TMEM132D: variants seen among roughly 807,000 people sequenced by gnomAD.
The protein encoded by TMEM132D is mature OL transmembrane protein.
Under a neutral mutation model 62.3 loss-of-function variants are expected in TMEM132D, and 21 were observed. The ratio of observed to expected loss-of-function variants is 0.34; its 90% confidence interval spans 0.24 to 0.49. The LOEUF (loss-of-function observed/expected upper bound fraction) is 0.49, where lower values mean the gene tolerates loss of function less well. Among genes scored for constraint, TMEM132D ranks in the 20% least tolerant of loss-of-function variants. The pLI is 0.99. For missense variants in TMEM132D, 1,346 were observed against 1,402.8 expected (o/e 0.96, Z 0.65); for synonymous variants, 621 against 575.6 (o/e 1.08, Z -1.13).
chr12:129,278,261 A>T (rs1269025490), intron 4 of TMEM132D, among the ~76,000 whole-genome samples: 1 of 152,166 alleles, frequency 6.6e-6, no homozygotes, highest in Non-Finnish European at 1.5e-5. Flanking sequence ...CCCAGGGCAC[A>T]ATCATTTCCT....
intron 1 of TMEM132D, among the ~76,000 whole-genome samples, chr12:129,850,647 C>T (rs940392988): frequency 6.6e-6 from 1 of 152,092 alleles, no homozygotes; most frequent in Non-Finnish European, 1.5e-5. Context: ...GGAATCAGGA[C>T]GTTTTCTACA....
intron 2 of TMEM132D, among the ~76,000 whole-genome samples, chr12:129,547,020 G>T (rs1593061008): frequency 6.6e-6 from 1 of 152,142 alleles, no homozygotes; most frequent in South Asian, 2.1e-4. Context: ...CAAAGAAATT[G>T]ATTTTCTCAC....
At chr12:129,340,748 C>T (rs1566038573) in intron 3 of TMEM132D, among the ~76,000 whole-genome samples, 2 of 152,104 alleles carry the variant, frequency 1.3e-5, no homozygotes, top group Non-Finnish European at 2.9e-5. Flanking sequence ...GGTATATACC[C>T]AAAGGATTAT....
intron 4 of TMEM132D, among the ~76,000 whole-genome samples, chr12:129,276,733 A>G (rs576729524): frequency 2.0e-5 from 3 of 152,348 alleles, no homozygotes; most frequent in Non-Finnish European, 2.9e-5. Flanking sequence ...AAAAAGTACA[A>G]TAACAGGATC....
chr12:129,321,149 C>T (rs896821438), intron 4 of TMEM132D, among the ~76,000 whole-genome samples: 3 of 152,066 alleles, frequency 2.0e-5, no homozygotes, highest in Admixed American at 1.3e-4. Flanking sequence ...TGCATTATTT[C>T]CTGTCCCCAG....
chr12:129,298,678 T>C (rs1272582721), intron 4 of TMEM132D, among the ~76,000 whole-genome samples: 2 of 152,210 alleles, frequency 1.3e-5, no homozygotes, highest in Non-Finnish European at 2.9e-5. Flanking sequence ...GCTTCTGTAA[T>C]ACAACTCTTT....
At chr12:129,876,688 A>T (rs1300369291) in intron 1 of TMEM132D, among the ~76,000 whole-genome samples, 1 of 152,200 alleles carries the variant, frequency 6.6e-6, no homozygotes, top group Non-Finnish European at 1.5e-5. Context: ...TGGCTTCATT[A>T]TCAGGCTCTC....
intron 3 of TMEM132D, among the ~76,000 whole-genome samples, chr12:129,439,509 G>A (rs371861062): frequency 6.6e-6 from 1 of 152,118 alleles, no homozygotes; most frequent in African/African-American, 2.4e-5. Flanking sequence ...GAGTGCAGTG[G>A]CATGATCTCA....
intron 6 of TMEM132D, 56 bp from the exon 7 acceptor site, chr12:129,082,088 G>T (rs1874472449): frequency 3.2e-6 from 5 of 1,540,252 alleles, no homozygotes; most frequent in Admixed American, 3.7e-5. Flanking sequence ...TCTGTAAGGG[G>T]CCGTGTGTGG....
At chr12:129,289,531 T>A (rs1194308920) in intron 4 of TMEM132D, among the ~76,000 whole-genome samples, 2 of 112,088 alleles carry the variant, frequency 1.8e-5, no homozygotes. Context: ...GTGACAAGAG[T>A]GAAATTCCAT....
chr12:129,178,080 G>A (rs933016675), intron 5 of TMEM132D, among the ~76,000 whole-genome samples: 2 of 152,162 alleles, frequency 1.3e-5, no homozygotes, highest in African/African-American at 4.8e-5. Flanking sequence ...CTTCATCCAT[G>A]TCCCTGCAAA....
intron 3 of TMEM132D, among the ~76,000 whole-genome samples, chr12:129,420,567 T>C (rs1872288691): frequency 6.6e-6 from 1 of 152,146 alleles, no homozygotes; most frequent in Non-Finnish European, 1.5e-5. Context: ...CAATTTCTTG[T>C]GCTGGGTTGG....
intron 3 of TMEM132D, among the ~76,000 whole-genome samples, chr12:129,358,066 T>A (rs1448616761): frequency 6.6e-6 from 1 of 152,230 alleles, no homozygotes; most frequent in Non-Finnish European, 1.5e-5. Flanking sequence ...TTAATGTACG[T>A]ACTTTATAAT....
intron 3 of TMEM132D, among the ~76,000 whole-genome samples, chr12:129,505,245 AGTTT>A (rs1247707811): frequency 8.7e-6 from 1 of 115,500 alleles, no homozygotes; most frequent in East Asian, 2.8e-4. Flanking sequence ...TCCAGGGTAT[AGTTT>A]TTTTTTTTTT....
At chr12:129,618,896 G>A (rs1479201056) in intron 2 of TMEM132D, among the ~76,000 whole-genome samples, 1 of 152,152 alleles carries the variant, frequency 6.6e-6, no homozygotes, top group Admixed American at 6.5e-5. Context: ...ACATTGGTTC[G>A]ATCTGGAAGG....
At chr12:129,451,481 A>G (rs1007928978) in intron 3 of TMEM132D, among the ~76,000 whole-genome samples, 1 of 152,244 alleles carries the variant, frequency 6.6e-6, no homozygotes, top group Non-Finnish European at 1.5e-5. Context: ...TTGGGTAGCA[A>G]TCACAGGGAA....
chr12:129,530,689 T>C (rs1030922752), intron 3 of TMEM132D, among the ~76,000 whole-genome samples: 13 of 152,206 alleles, frequency 8.5e-5, no homozygotes, highest in African/African-American at 2.7e-4. Flanking sequence ...GTATAGGCTC[T>C]GGTTTCTAAC....
chr12:129,382,384 T>C (rs530922759), intron 3 of TMEM132D, among the ~76,000 whole-genome samples: 1 of 152,332 alleles, frequency 6.6e-6, no homozygotes, highest in South Asian at 2.1e-4. Flanking sequence ...CTCTAGGCAA[T>C]ACTTACAGCT....
chr12:129,329,491 T>C (rs1456389763), intron 4 of TMEM132D, among the ~76,000 whole-genome samples: 1 of 152,160 alleles, frequency 6.6e-6, no homozygotes, highest in African/African-American at 2.4e-5. Context: ...GAATCTGCTT[T>C]TATGCCAAAA....
Sources: allele counts gnomAD v4.1 joint callset (sites outside exome capture counted in the v4.1 genomes callset), GRCh38; gene constraint gnomAD v4.1.1; transcripts MANE v1.5; gene names NCBI Gene and HGNC (gene_info 2026-07-23, HGNC 2026-07-21).